ZWILCH: variants seen among roughly 807,000 people sequenced by gnomAD.
The protein encoded by ZWILCH is protein zwilch homolog.
In ZWILCH, 74 loss-of-function variants were observed where a neutral mutation model predicts 79.9. The observed-to-expected ratio is 0.93, with a 90% CI of 0.77 to 1.12. ZWILCH has a LOEUF of 1.12. Ranked by LOEUF, ZWILCH falls within the 50% of genes most tolerant of loss-of-function variation. ZWILCH has a pLI of 0.00. For synonymous variants in ZWILCH, 241 were observed against 228.2 expected (o/e 1.06, Z -0.51); for missense variants, 694 against 687.5 (o/e 1.01, Z -0.11).
In ZWILCH at chr15:66,548,694, G is replaced by A; in HGVS notation, c.*370G>A. 1 of 566,680 alleles carries A rather than the reference G, an allele frequency of 1.8e-6. No individual in the cohort carries two copies. The highest frequency in any genetic ancestry group is 3.1e-6 in the Non-Finnish European group (1 of 320,504). 35.1% of individuals were successfully genotyped at this position (566,680 alleles called of 1,614,324 possible). On this transcript the variant is annotated 3_prime_UTR_variant, in exon 19 of 19. Transcript: ENST00000307897. The stretch of plus-strand genomic sequence containing the variant: ...TATCCCAAAAGCTTTAACTGTATTG[G>A]GAAAACTTAAAAAATAGCATCCTCA...
intron 8 of ZWILCH, among the ~76,000 whole-genome samples, chr15:66,526,506 C>A (rs572994365): frequency 4.6e-5 from 7 of 151,960 alleles, no homozygotes; most frequent in African/African-American, 1.7e-4. Flanking sequence ...GTCGCCCAGG[C>A]TGCAATGCAG....
intron 4 of ZWILCH, among the ~76,000 whole-genome samples, chr15:66,517,415 T>TGC (rs1567042595): frequency 1.5e-4 from 7 of 47,786 alleles, no homozygotes; most frequent in African/African-American, 5.6e-4. Flanking sequence ...TGTTTGTGTG[T>TGC]GCGTGTGTGT....
intron 1 of ZWILCH, among the ~76,000 whole-genome samples, chr15:66,507,429 T>C (rs1893868456): frequency 6.6e-6 from 1 of 152,324 alleles, no homozygotes; most frequent in African/African-American, 2.4e-5. Context: ...CTACAAGTTA[T>C]TCACAGCTAT....
chr15:66,505,390 C>G lies in ZWILCH; in HGVS notation c.52C>G (p.Gln18Glu), dbSNP rs1229270492. 2 of 1,614,024 alleles carry G rather than the reference C, an allele frequency of 1.2e-6. No homozygotes were observed. Among genetic ancestry groups the G allele is most frequent in the South Asian group, 2.2e-5 (2 of 91,072 alleles). The change falls in exon 1 of 19, where the codon CAG becomes GAG. Residue 18 changes from glutamine to glutamate, a missense_variant and splice_region_variant. By Grantham distance (29) the Gln-to-Glu change is conservative. Transcript: ENST00000307897. ...AAEDFYSRLL[Q>E]KFNEEKKGIR... ...AGAGGACTTTTATTCTCGTCTCCTT[C>G]AGTGAGTCTAGTCTCTTCTTTTGGC...
chr15:66,531,450 AATTTT>A (rs536070114), intron 12 of ZWILCH, among the ~76,000 whole-genome samples: 1 of 151,860 alleles, frequency 6.6e-6, no homozygotes, highest in Non-Finnish European at 1.5e-5. Flanking sequence ...TGGCTTTTTA[AATTTT>A]ATTTTATTTT....
rs372908648 is a variant in ZWILCH at position 66,518,063 on chromosome 15, C to T, written c.321-816C>T. 5.9e-5 allele frequency among the ~76,000 whole-genome samples: 9 copies of T among 152,056 alleles called. No homozygotes were observed. The South Asian group carries it at 1.7e-3, about 28-fold the overall frequency. On this transcript the variant is annotated intron_variant, in intron 4 of 18. Coordinates refer to ENST00000307897, the MANE Select transcript of ZWILCH (RefSeq NM_017975.5). Reference sequence around the variant, plus strand: ...TACTTATTTCTTTAGATTAATCTCACATCCTACCTCTTCAACTTCTACTGA... The same window carrying T: ...TACTTATTTCTTTAGATTAATCTCATATCCTACCTCTTCAACTTCTACTGA...
At chr15:66,507,678 A>G (rs1893876098) in intron 1 of ZWILCH, among the ~76,000 whole-genome samples, 1 of 152,206 alleles carries the variant, frequency 6.6e-6, no homozygotes, top group Admixed American at 6.5e-5. Flanking sequence ...TATTCTCAGC[A>G]TCTAGCAGGA....
intron 3 of ZWILCH, 25 bp downstream of exon 3, chr15:66,514,108 T>G: frequency 6.5e-7 from 1 of 1,547,758 alleles, no homozygotes; most frequent in Non-Finnish European, 8.8e-7. Context: ...GACTTTGTGG[T>G]TGTTTAATTC....
chr15:66,533,929 A>G (rs1251957729), intron 14 of ZWILCH, among the ~76,000 whole-genome samples: 1 of 152,106 alleles, frequency 6.6e-6, no homozygotes, highest in Non-Finnish European at 1.5e-5. Context: ...CAACATAGGG[A>G]GACTCCATCT....
At chr15:66,534,709 A>G (rs535217471) in intron 14 of ZWILCH, among the ~76,000 whole-genome samples, 31 of 152,218 alleles carry the variant, frequency 2.0e-4, no homozygotes, top group South Asian at 1.0e-3. Context: ...TGTACAGGGC[A>G]CTTACCATGA....
intron 14 of ZWILCH, 40 bp from the exon 15 acceptor site, chr15:66,535,893 T>C: frequency 6.4e-7 from 1 of 1,562,466 alleles, no homozygotes; most frequent in Non-Finnish European, 8.6e-7. Context: ...GTTACACAGG[T>C]GCTTTAAATC....
chr15:66,515,107 A>G lies in ZWILCH; in HGVS notation c.202-419A>G, dbSNP rs1480982623. Among the ~76,000 whole-genome samples, 3 of 147,476 alleles carry G rather than the reference A, an allele frequency of 2.0e-5. No homozygotes were observed. In the East Asian group the frequency reaches 5.9e-4, roughly 29 times the overall value. On this transcript the variant is annotated intron_variant, in intron 3 of 18. Transcript: ENST00000307897. The stretch of plus-strand genomic sequence containing the variant: ...CAGGTGCATGCCACCACCCTGGCTG[A>G]TTTTTTTTTTCTTTTCTTTTTTTGG...
At chr15:66,531,046 A>C (rs1318540859) in intron 12 of ZWILCH, among the ~76,000 whole-genome samples, 1 of 152,242 alleles carries the variant, frequency 6.6e-6, no homozygotes, top group Non-Finnish European at 1.5e-5. Context: ...GATGAAAGTT[A>C]AAGTAGAGAA....
intron 12 of ZWILCH, among the ~76,000 whole-genome samples, chr15:66,531,414 T>C (rs1894848616): frequency 6.6e-6 from 1 of 152,164 alleles, no homozygotes; most frequent in Non-Finnish European, 1.5e-5. Flanking sequence ...CTTAGTTGCT[T>C]TGGACTTAAA....
At chr15:66,530,598 C>A (rs1197375354) in intron 12 of ZWILCH, among the ~76,000 whole-genome samples, 1 of 152,198 alleles carries the variant, frequency 6.6e-6, no homozygotes, top group Admixed American at 6.5e-5. Flanking sequence ...GATTGCACCA[C>A]TCCACTCCAG....
At chr15:66,516,915 C>G (rs1282215315) in intron 4 of ZWILCH, among the ~76,000 whole-genome samples, 1 of 152,180 alleles carries the variant, frequency 6.6e-6, no homozygotes, top group Non-Finnish European at 1.5e-5. Context: ...GTATTATTTT[C>G]TCCAGCCAGT....
Position 66,533,445 on chromosome 15 carries a change from G to T in ZWILCH, c.1341+432G>T, listed in dbSNP as rs117906504. ...CAGGGTCATCGTTATGAACTTTGTT[G>T]TATTTTCCTAGCCCATTCAGAAACT... On this transcript the variant is annotated intron_variant, in intron 14 of 18. Transcript: ENST00000307897. Among the ~76,000 whole-genome samples the T allele has an allele frequency of 2.0e-5, 3 of 152,102 alleles. No individual in the cohort carries two copies. In the East Asian group the frequency reaches 5.8e-4, roughly 29 times the overall value.
At chr15:66,505,649 C>A (rs1392072121) in intron 1 of ZWILCH, 7 of 518,572 alleles carry the variant, frequency 1.3e-5, no homozygotes, top group East Asian at 1.1e-4. Flanking sequence ...GCGATTTATT[C>A]TTTCTGCTGA....
intron 1 of ZWILCH, 91 bp downstream of exon 1, chr15:66,505,482 T>G: frequency 4.0e-6 from 6 of 1,499,518 alleles, no homozygotes; most frequent in Non-Finnish European, 5.5e-6. Context: ...CTTGCCACTC[T>G]GGGGATCAGC....
Sources: gnomAD v4.1 joint callset for allele counts (sites outside exome capture counted in the v4.1 genomes callset) on GRCh38, gnomAD v4.1.1 for gene constraint, MANE v1.5 for transcripts, NCBI Gene and HGNC (gene_info 2026-07-23, HGNC 2026-07-21) for gene names.